Variants in LRRC45 observed in about 807,000 individuals in gnomAD.
LRRC45 encodes the protein leucine-rich repeat-containing protein 45.
LRRC45 carries 73 observed loss-of-function variants against 85.4 expected under a neutral mutation model. The ratio of observed to expected loss-of-function variants is 0.85; its 90% CI spans 0.71 to 1.04. The LOEUF (loss-of-function observed/expected upper bound fraction) is 1.04, where lower values mean the gene tolerates loss of function less well. LRRC45 is among the 50% of genes least tolerant of loss of function. The pLI, the probability that LRRC45 is intolerant of heterozygous loss-of-function variation, is 0.00. For missense variants in LRRC45, 937 were observed against 883.3 expected (o/e 1.06, Z -0.77); for synonymous variants, 429 against 386.0 (o/e 1.11, Z -1.31).
Position 82,023,803 on chromosome 17 carries a change from C to T in LRRC45, c.160C>T (p.Leu54=). Residue 54 remains leucine (L), a synonymous_variant, in exon 1 of 17, where the codon CTG becomes TTG. Transcript: ENST00000306688. ...VETCRALGKL[L]PRETLCTELV... is the part of the protein sequence containing the mutation. ...GACCTGCAGGGCCCTGGGCAAGCTG[C>T]TGCCGAGGGAGACGCTGTGCACGGA... is the stretch of plus-strand genomic sequence containing the variant. The T allele has an allele frequency of 6.4e-7, 1 of 1,570,854 alleles. No homozygotes were observed. Among genetic ancestry groups the T allele is most frequent in the East Asian group, 2.3e-5 (1 of 42,966 alleles).
intron 8 of LRRC45, 39 bp from the exon 9 acceptor site, chr17:82,027,972 C>A: frequency 6.4e-7 from 1 of 1,565,248 alleles, no homozygotes; most frequent in Non-Finnish European, 8.6e-7. Flanking sequence ...GCAAGTGAAA[C>A]TCCAACCGGG....
In LRRC45 at chr17:82,030,616, G is replaced by GAC; in HGVS notation, c.1825_1826insCA (p.Ser609ThrfsTer56). 1 of 1,244,242 alleles carries GAC rather than the reference G, an allele frequency of 8.0e-7. No homozygotes were observed. The highest frequency in any genetic ancestry group is 2.2e-5 in the South Asian group (1 of 44,966). The allele number at this position is 1,244,242 out of a possible 1,614,324, so 77.1% of individuals were successfully genotyped here. ...GCGCTCCTTGCCCTGCAGTGATGGC[G>GAC]AGCGACCACCGAGAGGCGCTGCTGG... On this transcript the variant is annotated frameshift_variant, in exon 17 of 17. Transcript: ENST00000306688. LOFTEE classifies it high-confidence loss of function.
Position 82,024,288 on chromosome 17 carries a change from G to T in LRRC45, c.231G>T (p.Leu77=). Residue 77 remains leucine, a synonymous_variant, in exon 2 of 17, where the codon CTG becomes CTT. Coordinates refer to ENST00000306688, the MANE Select transcript of LRRC45 (RefSeq NM_144999.4). ...DCMLSEEGAT[L]LLRGLCANTV... is the part of the protein sequence containing the mutation. Reference sequence around the variant, plus strand: ...GCCCCCCTTACACAGGGGCCACACTGCTGCTCCGAGGCCTGTGTGCCAACA... The same window carrying T: ...GCCCCCCTTACACAGGGGCCACACTTCTGCTCCGAGGCCTGTGTGCCAACA... 6.2e-7 allele frequency: 1 copy of T among 1,612,180 alleles called. No individual in the cohort carries two copies.
In LRRC45 at chr17:82,024,587, G is replaced by A. The variant is rs2043349138; in HGVS notation, c.283-106G>A. ...CCCAGGAGCTGAGGAAGGCTGCAGG[G>A]TGCACCCCAGGCTTGTCCCCTGGCT... is the stretch of plus-strand genomic sequence containing the variant. On this transcript the variant is annotated intron_variant, in intron 2 of 16. Transcript: ENST00000306688. 3.8e-6 allele frequency: 5 copies of A among 1,309,044 alleles called. No homozygotes were observed. In the Admixed American group the frequency reaches 1.1e-4, roughly 29 times the overall value. 81.1% of individuals were successfully genotyped at this position (1,309,044 alleles called of 1,614,324 possible).
intron 14 of LRRC45, among the ~76,000 whole-genome samples, 182 bp downstream of exon 14, chr17:82,029,817 G>T (rs2043401681): frequency 6.6e-6 from 1 of 152,364 alleles, no homozygotes; most frequent in South Asian, 2.1e-4. Flanking sequence ...AGACGGTGGA[G>T]AGGTTTGGCC....
At chr17:82,027,558 C>T in intron 7 of LRRC45, 114 bp downstream of exon 7, 2 of 1,543,080 alleles carry the variant, frequency 1.3e-6, no homozygotes, top group East Asian at 2.3e-5. Flanking sequence ...TCGCTGGAGG[C>T]TCAGTGCCCA....
chr17:82,025,549 C>T (rs1262460556), intron 5 of LRRC45, 42 bp downstream of exon 5: 4 of 1,489,100 alleles, frequency 2.7e-6, no homozygotes, highest in East Asian at 2.4e-5. Flanking sequence ...GAGCCTTTGA[C>T]AGAGGCCTGT....
rs2144152201 is a variant in LRRC45, at chr17:82,030,844, A to G, written c.*39A>G. The G allele has an allele frequency of 2.3e-6, 3 of 1,297,052 alleles. No individual in the cohort carries two copies. 80.3% of individuals were successfully genotyped at this position (1,297,052 alleles called of 1,614,324 possible). ...GACCCGGGCGCAGTAGGAGTGCATC[A>G]GGCGGCGCCCGAGATGGACCAGGGG... On this transcript the variant is annotated 3_prime_UTR_variant, in exon 17 of 17. Transcript: ENST00000306688.
At position 82,030,254 on chromosome 17, in the gene LRRC45, G is replaced by T. The variant is rs1568016800; in HGVS notation, c.1668+16G>T. ...GCTGCAGCAGGTAGGCGGGGCTCCG[G>T]TGGGGGGCCCCGGGCGTGCTAGCCC... is the stretch of plus-strand genomic sequence containing the variant. On this transcript the variant is annotated intron_variant, in intron 15 of 16. Coordinates refer to ENST00000306688, the MANE Select transcript of LRRC45 (RefSeq NM_144999.4). The T allele has an allele frequency of 1.3e-6, 2 of 1,534,688 alleles. No homozygotes were observed. Among genetic ancestry groups the T allele is most frequent in the South Asian group, 1.2e-5 (1 of 83,294 alleles).
rs771303057 is a variant in LRRC45, at chr17:82,025,165, C to T, written c.519C>T (p.Thr173=). ...ELALALKGNT[T]LQQLDLRWNN... ...CCCTAGCCCTGAAGGGCAACACCAC[C>T]CTCCAGCAGCTGGGTGAGGCCTCCC... is the stretch of plus-strand genomic sequence containing the variant. Residue 173 remains threonine, a synonymous_variant, in exon 4 of 17, where the codon ACC becomes ACT. Transcript: ENST00000306688. The T allele has an allele frequency of 1.2e-5, 19 of 1,597,514 alleles. No individual in the cohort carries two copies. Among genetic ancestry groups the T allele is most frequent in the Non-Finnish European group, 1.6e-5 (19 of 1,170,858 alleles).
At position 82,028,625 on chromosome 17, in the gene LRRC45, TGGAGA is replaced by T; in HGVS notation, c.1251_1255del (p.Met417IlefsTer30). 6.2e-7 allele frequency: 1 copy of T among 1,612,858 alleles called. No homozygotes were observed. The highest frequency in any genetic ancestry group is 1.1e-5 in the South Asian group (1 of 91,086). ...CCTGGGCTTCCAGAGCGCCTGGACA[TGGAGA>T]AGAGAAGATGCAGACAGAGCCTGGA... is the stretch of plus-strand genomic sequence containing the variant. On this transcript the variant is annotated frameshift_variant, in exon 12 of 17. Coordinates refer to ENST00000306688, the MANE Select transcript of LRRC45 (RefSeq NM_144999.4). LOFTEE classifies it high-confidence loss of function.
chr17:82,028,025 A>G lies in LRRC45; in HGVS notation c.926A>G (p.Glu309Gly). The G allele has an allele frequency of 1.9e-6, 3 of 1,604,716 alleles. No homozygotes were observed. Among genetic ancestry groups the G allele is most frequent in the Non-Finnish European group, 2.5e-6 (3 of 1,176,792 alleles). ...NALKAKLQMT[E>G]AALALSEQKA... ...CCTTTCTGCAGGCTGCAGATGACAG[A>G]GGCCGCCCTGGCTCTGTCGGAGCAG... The change falls in exon 9 of 17, where the codon GAG becomes GGG. Residue 309 changes from glutamate to glycine, a missense_variant. By Grantham distance (98) the Glu-to-Gly change is moderately conservative (BLOSUM62 -2). Transcript: ENST00000306688.
intron 5 of LRRC45, chr17:82,026,670 C>T: frequency 2.5e-6 from 1 of 393,282 alleles, no homozygotes; most frequent in Non-Finnish European, 4.9e-6. Flanking sequence ...ACCTCCACCT[C>T]CCGGTTCAAG....
rs776096126 is a variant in LRRC45 at position 82,027,727 on chromosome 17, CCAT to C, written c.893_895del (p.Ile298del). The stretch of plus-strand genomic sequence containing the variant: ...CAGGAAGCCCTGAATGAGAGGCACT[CCAT>C]CATCAACGCTCTCAAGGCCAAGTAA... On this transcript the variant is annotated inframe_deletion, in exon 8 of 17. Coordinates refer to ENST00000306688, the MANE Select transcript of LRRC45 (RefSeq NM_144999.4). The C allele has an allele frequency of 1.2e-6, 2 of 1,611,146 alleles. No homozygotes were observed. The highest frequency in any genetic ancestry group is 1.7e-6 in the Non-Finnish European group (2 of 1,179,246).
chr17:82,024,422 T>A, intron 2 of LRRC45, 83 bp downstream of exon 2: 1 of 1,538,924 alleles, frequency 6.5e-7, no homozygotes. Context: ...CTCGGGGGCC[T>A]GGGGTCTGGG....
intron 5 of LRRC45, 134 bp downstream of exon 5, chr17:82,025,641 G>C: frequency 8.3e-7 from 1 of 1,198,808 alleles, no homozygotes; most frequent in Non-Finnish European, 1.1e-6. Context: ...AGGAAGGAGC[G>C]GAGGGGTCGT....
intron 3 of LRRC45, 25 bp downstream of exon 3, chr17:82,024,788 C>T (rs1337212479): frequency 6.4e-7 from 1 of 1,564,566 alleles, no homozygotes; most frequent in Non-Finnish European, 8.6e-7. Flanking sequence ...CGACCCCAGG[C>T]CCTGTCTCTG....
Position 82,030,706 on chromosome 17 carries a change from C to T in LRRC45, c.1914C>T (p.Arg638=). 6.7e-7 allele frequency: 1 copy of T among 1,498,410 alleles called. No homozygotes were observed. The highest frequency in any genetic ancestry group is 9.0e-7 in the Non-Finnish European group (1 of 1,114,206). The allele number at this position is 1,498,410 out of a possible 1,614,324, so 92.8% of individuals were successfully genotyped here. The change falls in exon 17 of 17, where the codon CGC becomes CGT. Residue 638 remains arginine (R), a synonymous_variant. Transcript: ENST00000306688. ...KLRLREAEIA[R]IRDEEAQRAS... ...GGCTCCGGGAGGCGGAGATCGCCCG[C>T]ATCCGGGACGAGGAGGCCCAGAGGG... is the stretch of plus-strand genomic sequence containing the variant.
chr17:82,030,735 G>T lies in LRRC45; in HGVS notation c.1943G>T (p.Ser648Ile). Residue 648 changes from serine (S) to isoleucine (I), a missense_variant, in exon 17 of 17, where the codon AGC becomes ATC. By Grantham distance (142) the Ser-to-Ile change is moderately radical. Coordinates refer to ENST00000306688, the MANE Select transcript of LRRC45 (RefSeq NM_144999.4). ...CGGGACGAGGAGGCCCAGAGGGCGA[G>T]CTTCCTGCAGAACGCCGTCCTGGCT... ...RIRDEEAQRASFLQNAVLAYV... is the reference protein window; with the variant it reads ...RIRDEEAQRAIFLQNAVLAYV... 6.7e-7 allele frequency: 1 copy of T among 1,489,368 alleles called. No homozygotes were observed. The allele number at this position is 1,489,368 out of a possible 1,614,324, so 92.3% of individuals were successfully genotyped here. A position where few individuals can be genotyped will look rare whatever the true frequency, so the allele number is the denominator to read the frequency against.
Sources: allele counts gnomAD v4.1 joint callset (sites outside exome capture counted in the v4.1 genomes callset), GRCh38; gene constraint gnomAD v4.1.1; transcripts MANE v1.5; gene names NCBI Gene and HGNC (gene_info 2026-07-23, HGNC 2026-07-21).